Variants in GAPVD1 observed in about 807,000 individuals in gnomAD.
GAPVD1 encodes GTPase-activating protein and VPS9 domain-containing protein 1.
GAPVD1 carries 35 observed loss-of-function variants against 155.5 expected under a neutral mutation model. The ratio of observed to expected loss-of-function variants is 0.23; its 90% CI spans 0.17 to 0.30. The LOEUF (loss-of-function observed/expected upper bound fraction) is 0.30. Ranked by LOEUF, GAPVD1 falls within the 10% of genes least tolerant of loss-of-function variation. The pLI, the probability that GAPVD1 is intolerant of heterozygous loss-of-function variation, is 1.00. For synonymous variants in GAPVD1, 636 were observed against 619.7 expected, an observed-to-expected ratio of 1.03 and a Z score of -0.39; for missense variants, 1,429 against 1,775.7, an observed-to-expected ratio of 0.80 and a Z score of 3.51.
chr9:125,300,197 T>A (rs1840651253), intron 4 of GAPVD1, among the ~76,000 whole-genome samples: 1 of 146,822 alleles, frequency 6.8e-6, no homozygotes, highest in Non-Finnish European at 1.5e-5. Flanking sequence ...TTTTTTTTTT[T>A]TTGAGTTGGA....
intron 19 of GAPVD1, among the ~76,000 whole-genome samples, chr9:125,345,305 C>T (rs1162260841): frequency 1.3e-5 from 2 of 151,974 alleles, no homozygotes; most frequent in East Asian, 1.9e-4. Flanking sequence ...CTCAGCCTCC[C>T]GAGTAGCTGG....
rs1043357128 is a variant in GAPVD1 at position 125,330,127 on chromosome 9, A to C, written c.2082A>C (p.Ser694=). The change falls in exon 13 of 28, where the codon TCA becomes TCC. Residue 694 remains serine (S), a synonymous_variant. Coordinates refer to ENST00000297933, the MANE Select transcript of GAPVD1 (RefSeq NM_001282680.3). ...GCAGTTTGCTGTGCCTCCCAGGTTC[A>C]GGGTCAGTGCTTCTTGACCCCTGCA... ...MLGSLLCLPG[S]GSVLLDPCTG... is the part of the protein sequence containing the mutation. The C allele has an allele frequency of 3.1e-6, 5 of 1,611,952 alleles. No individual in the cohort carries two copies. In the South Asian group the frequency reaches 5.5e-5, roughly 18 times the overall value.
chr9:125,312,524 C>T lies in GAPVD1; in HGVS notation c.1514C>T (p.Thr505Ile), dbSNP rs1338188590. 1 of 1,610,366 alleles carries T rather than the reference C, an allele frequency of 6.2e-7. No individual in the cohort carries two copies. Among genetic ancestry groups the T allele is most frequent in the Non-Finnish European group, 8.5e-7 (1 of 1,177,964 alleles). ...HMDHEGSSQE[T>I]IQEVQPEEVL... ...GACCATGAAGGATCATCTCAAGAAA[C>T]CATTCAGGAGGTGCAACCAGAAGAG... is the stretch of plus-strand genomic sequence containing the variant. The change falls in exon 9 of 28, where the codon ACC becomes ATC. Residue 505 changes from threonine to isoleucine, a missense_variant. Thr to Ile is a moderately conservative substitution (Grantham distance 89, BLOSUM62 -1). Coordinates refer to ENST00000297933, the MANE Select transcript of GAPVD1 (RefSeq NM_001282680.3).
At chr9:125,327,700 C>A (rs1192645894) in intron 12 of GAPVD1, among the ~76,000 whole-genome samples, 1 of 152,092 alleles carries the variant, frequency 6.6e-6, no homozygotes, top group East Asian at 1.9e-4. Flanking sequence ...GACGGGGTTT[C>A]ACCATATTGG....
At chr9:125,331,452 C>T (rs1283556659) in intron 13 of GAPVD1, among the ~76,000 whole-genome samples, 4 of 152,134 alleles carry the variant, frequency 2.6e-5, no homozygotes, top group Admixed American at 2.0e-4. Context: ...CTGCCGGCCT[C>T]GACCTCCCAA....
At chr9:125,338,825 G>GTATTTAA (rs1847399889) in intron 17 of GAPVD1, among the ~76,000 whole-genome samples, 1 of 152,094 alleles carries the variant, frequency 6.6e-6, no homozygotes, top group African/African-American at 2.4e-5. Context: ...TATTTAGGGG[G>GTATTTAA]AGAGGGTACT....
chr9:125,294,384 G>A (rs1449328873), intron 2 of GAPVD1, among the ~76,000 whole-genome samples: 3 of 140,756 alleles, frequency 2.1e-5, no homozygotes, highest in Admixed American at 7.6e-5. Context: ...ATCTCGCTCT[G>A]TCGCCCAGGC....
chr9:125,330,453 G>T (rs1845915250), intron 13 of GAPVD1, among the ~76,000 whole-genome samples: 1 of 151,722 alleles, frequency 6.6e-6, no homozygotes, highest in South Asian at 2.1e-4. Flanking sequence ...TGAGTAGCTG[G>T]GATTACAGAC....
At chr9:125,265,042 A>C (rs2131608887) in intron 1 of GAPVD1, among the ~76,000 whole-genome samples, 1 of 152,262 alleles carries the variant, frequency 6.6e-6, no homozygotes, top group East Asian at 1.9e-4. Context: ...TAAAAGACAA[A>C]AAATTATTTC....
rs1849798328 is a variant in GAPVD1, at chr9:125,354,636, A to T, written c.3570-18A>T. The T allele has an allele frequency of 6.4e-7, 1 of 1,565,488 alleles. No homozygotes were observed. Among genetic ancestry groups the T allele is most frequent in the Non-Finnish European group, 8.8e-7 (1 of 1,137,348 alleles). On this transcript the variant is annotated intron_variant, in intron 23 of 27. Transcript: ENST00000297933. The stretch of plus-strand genomic sequence containing the variant: ...CACTGAATATATCTGATGTCATGCA[A>T]AGTATTTTTCCTTTTAGAAAAAGAG...
At chr9:125,342,808 A>G (rs1162967804) in intron 19 of GAPVD1, among the ~76,000 whole-genome samples, 1 of 152,266 alleles carries the variant, frequency 6.6e-6, no homozygotes, top group Non-Finnish European at 1.5e-5. Flanking sequence ...TTCAAACAGT[A>G]TCATAAATGC....
chr9:125,278,421 T>C (rs1470370014), intron 2 of GAPVD1, among the ~76,000 whole-genome samples: 1 of 152,136 alleles, frequency 6.6e-6, no homozygotes, highest in Non-Finnish European at 1.5e-5. Flanking sequence ...CTCGGGAGGC[T>C]GAGGCAGGAG....
At chr9:125,263,624 A>C (rs1029029314) in intron 1 of GAPVD1, 4 of 1,326,902 alleles carry the variant, frequency 3.0e-6, no homozygotes, top group Non-Finnish European at 4.3e-6. Context: ...ATCCGTCTCA[A>C]CTGGAATTTG....
intron 2 of GAPVD1, among the ~76,000 whole-genome samples, chr9:125,283,028 T>TTTTATTTATTTATTTA (rs10649964): frequency 1.2e-4 from 17 of 143,324 alleles, no homozygotes; most frequent in African/African-American, 3.9e-4. Context: ...TTATTTTTAT[T>TTTTATTTATTTATTTA]TTTATTTATT....
chr9:125,329,328 A>G (rs1845737653), intron 12 of GAPVD1, among the ~76,000 whole-genome samples: 1 of 152,156 alleles, frequency 6.6e-6, no homozygotes, highest in Non-Finnish European at 1.5e-5. Flanking sequence ...AAGAAAAAAT[A>G]TTTGGCCAGC....
rs143441017 is a variant in GAPVD1, at chr9:125,267,408, G to A, written c.-198-1528G>A. ...TAGGTTGGGATGTGCTACCACACCC[G>A]GTTAATTAATTTTAGTTTTTTATTT... On this transcript the variant is annotated intron_variant, in intron 1 of 27. Coordinates refer to ENST00000297933, the MANE Select transcript of GAPVD1 (RefSeq NM_001282680.3). Among the ~76,000 whole-genome samples, 29 of 151,662 alleles carry A rather than the reference G, an allele frequency of 1.9e-4. No individual in the cohort carries two copies. The East Asian group carries it at 5.5e-3, about 29-fold the overall frequency.
At chr9:125,270,601 G>A (rs1020978107) in intron 2 of GAPVD1, among the ~76,000 whole-genome samples, 1 of 152,154 alleles carries the variant, frequency 6.6e-6, no homozygotes, top group Non-Finnish European at 1.5e-5. Flanking sequence ...GTCAGAGGAA[G>A]TGGTGAATAT....
intron 9 of GAPVD1, among the ~76,000 whole-genome samples, chr9:125,317,459 C>T (rs1242834865): frequency 1.3e-5 from 2 of 151,432 alleles, no homozygotes; most frequent in African/African-American, 4.8e-5. Context: ...AACCCTGTCT[C>T]TACTAAAAAT....
chr9:125,285,125 T>G (rs1485580175), intron 2 of GAPVD1, among the ~76,000 whole-genome samples: 1 of 152,216 alleles, frequency 6.6e-6, no homozygotes, highest in South Asian at 2.1e-4. Flanking sequence ...CCACATGGAC[T>G]GTGGAGGACT....
Sources: allele counts gnomAD v4.1 joint callset (sites outside exome capture counted in the v4.1 genomes callset), GRCh38; gene constraint gnomAD v4.1.1; transcripts MANE v1.5; gene names NCBI Gene and HGNC (gene_info 2026-07-23, HGNC 2026-07-21).